The following GNAO1 variants were observed in gnomAD, a reference collection of about 807,000 sequenced individuals.
GNAO1 encodes guanine nucleotide-binding protein G(o) subunit alpha.
For synonymous variants in GNAO1, 164 were observed against 180.7 expected, an observed-to-expected ratio of 0.91 and a Z score of 0.74; for missense variants, 166 against 478.7, an observed-to-expected ratio of 0.35 and a Z score of 6.10.
chr16:56,261,799 G>T (rs2036906334), intron 2 of GNAO1, among the ~76,000 whole-genome samples: 1 of 152,116 alleles, frequency 6.6e-6, no homozygotes, highest in Non-Finnish European at 1.5e-5. Flanking sequence ...CAGTAACCAG[G>T]CACCCCCTTT....
intron 2 of GNAO1, among the ~76,000 whole-genome samples, chr16:56,274,260 G>GTTTCACATA (rs2037042414): frequency 6.6e-6 from 1 of 152,186 alleles, no homozygotes; most frequent in Non-Finnish European, 1.5e-5. Context: ...GAAGATGCTT[G>GTTTCACATA]TTTCACATAT....
At chr16:56,323,848 G>T (rs1010279483) in intron 3 of GNAO1, among the ~76,000 whole-genome samples, 2 of 152,166 alleles carry the variant, frequency 1.3e-5, no homozygotes, top group East Asian at 3.9e-4. Flanking sequence ...AACCATGGAG[G>T]CCTGGACTTA....
chr16:56,235,497 G>T, intron 2 of GNAO1: 1 of 447,170 alleles, frequency 2.2e-6, no homozygotes, highest in Non-Finnish European at 4.5e-6. Flanking sequence ...CCTGGCACCT[G>T]CCTGGTCAGT....
At position 56,311,674 on chromosome 16, in the gene GNAO1, G is replaced by A. The variant is rs150906068; in HGVS notation, c.304-16957G>A. On this transcript the variant is annotated intron_variant, in intron 3 of 8. Transcript: ENST00000262493. The surrounding 1 kb of genome is among the most constrained non-coding windows in gnomAD (Gnocchi z 5.2). ...TGGCAGATGAGTCCCCGGAGGCTTGGCTCAGCCCCTGACCCCCTGTACCCC... is the reference window on the plus strand; with the variant it reads ...TGGCAGATGAGTCCCCGGAGGCTTGACTCAGCCCCTGACCCCCTGTACCCC... 3.0e-3 allele frequency among the ~76,000 whole-genome samples: 464 copies of A among 152,212 alleles called. 6 individuals are homozygous for A. The highest frequency in any genetic ancestry group is 0.01 in the African/African-American group (426 of 41,522).
At chr16:56,219,519 T>A (rs2036465240) in intron 2 of GNAO1, among the ~76,000 whole-genome samples, 1 of 152,226 alleles carries the variant, frequency 6.6e-6, no homozygotes, top group Admixed American at 6.5e-5. Flanking sequence ...CCAGGGTTTT[T>A]AAAAGAGTTT....
intron 1 of GNAO1, 38 bp downstream of exon 1, chr16:56,192,391 G>T (rs751695021): frequency 4.5e-5 from 30 of 672,114 alleles, no homozygotes; most frequent in African/African-American, 4.2e-4. Flanking sequence ...CCCCGACCCC[G>T]GCCACTCCGC....
intron 2 of GNAO1, among the ~76,000 whole-genome samples, chr16:56,222,683 G>C (rs116592935): frequency 6.6e-6 from 1 of 152,232 alleles, no homozygotes; most frequent in Non-Finnish European, 1.5e-5. Context: ...AGCCTCCATC[G>C]TAGGTGTGTG....
chr16:56,298,764 A>C (rs2037312395), intron 3 of GNAO1, among the ~76,000 whole-genome samples: 1 of 152,128 alleles, frequency 6.6e-6, no homozygotes, highest in African/African-American at 2.4e-5. Flanking sequence ...ATACAAAAAA[A>C]ATTAACTGGG....
At chr16:56,269,609 G>C (rs1344478236) in intron 2 of GNAO1, among the ~76,000 whole-genome samples, 1 of 152,186 alleles carries the variant, frequency 6.6e-6, no homozygotes, top group Non-Finnish European at 1.5e-5. Flanking sequence ...TCTGGCTCTA[G>C]AAGCCCCCGC....
At chr16:56,216,912 G>A (rs1322234968) in intron 2 of GNAO1, among the ~76,000 whole-genome samples, 8 of 152,208 alleles carry the variant, frequency 5.3e-5, no homozygotes, top group African/African-American at 1.9e-4. Context: ...TGGGAATAAT[G>A]ATAGCACTTA....
At chr16:56,234,829 A>G (rs1019368383) in intron 2 of GNAO1, among the ~76,000 whole-genome samples, 22 of 152,004 alleles carry the variant, frequency 1.4e-4, no homozygotes, top group Admixed American at 1.4e-3. Context: ...TTAAAAATTG[A>G]GGAAAACAGT....
chr16:56,330,803 CAAGT>C (rs1186304403), intron 4 of GNAO1, among the ~76,000 whole-genome samples: 9 of 152,220 alleles, frequency 5.9e-5, no homozygotes, highest in African/African-American at 2.2e-4. Context: ...AACTCCCCAC[CAAGT>C]AAGCTGAGGA....
chr16:56,256,714 CTCTCTGTG>C (rs1229502109), intron 2 of GNAO1, among the ~76,000 whole-genome samples: 37 of 123,484 alleles, frequency 3.0e-4, no homozygotes, highest in African/African-American at 9.1e-4. Context: ...CTCTCTCTCT[CTCTCTGTG>C]TGTGTGTGTG....
intron 6 of GNAO1, chr16:56,345,001 G>A (rs1288508956): frequency 1.2e-5 from 12 of 985,184 alleles, no homozygotes; most frequent in Non-Finnish European, 1.4e-5. Flanking sequence ...AGGACAGCAG[G>A]GGGATGGAGC....
At chr16:56,201,114 CA>C (rs2036278501) in intron 2 of GNAO1, among the ~76,000 whole-genome samples, 1 of 152,098 alleles carries the variant, frequency 6.6e-6, no homozygotes, top group East Asian at 1.9e-4. Context: ...GGGAGCTACA[CA>C]AAAAAGACTC....
At chr16:56,272,245 C>T (rs907425373) in intron 2 of GNAO1, among the ~76,000 whole-genome samples, 12 of 152,010 alleles carry the variant, frequency 7.9e-5, no homozygotes, top group African/African-American at 2.9e-4. Flanking sequence ...GGAGGCAGAG[C>T]TTGCAGTGAG....
chr16:56,198,284 TC>T (rs2036251688), intron 2 of GNAO1, among the ~76,000 whole-genome samples: 2 of 152,222 alleles, frequency 1.3e-5, no homozygotes, highest in African/African-American at 4.8e-5. Context: ...AAGAATTTCT[TC>T]AAATCTGTGT....
At chr16:56,247,113 C>T (rs1317959816) in intron 2 of GNAO1, among the ~76,000 whole-genome samples, 4 of 152,204 alleles carry the variant, frequency 2.6e-5, no homozygotes, top group African/African-American at 9.6e-5. Context: ...TCTTTGCCCG[C>T]CTCAGCTCCC....
In GNAO1 at chr16:56,196,568, G is replaced by A. The variant is rs181257664; in HGVS notation, c.161+3952G>A. On this transcript the variant is annotated intron_variant, in intron 2 of 8. Coordinates refer to ENST00000262493, the MANE Select transcript of GNAO1 (RefSeq NM_020988.3). ...CACCCACTTGGACCATGTACCTGGT[G>A]AAAATGTAAAATGGACTGCGGAATT... 4.3e-4 allele frequency among the ~76,000 whole-genome samples: 66 copies of A among 152,338 alleles called. No homozygotes were observed. The East Asian group carries it at 0.011, about 24-fold the overall frequency.
Sources: allele counts gnomAD v4.1 joint callset (sites outside exome capture counted in the v4.1 genomes callset), GRCh38; gene constraint gnomAD v4.1.1; non-coding constraint Gnocchi (gnomAD v3.1); transcripts MANE v1.5; gene names NCBI Gene and HGNC (gene_info 2026-07-23, HGNC 2026-07-21).